The following STXBP2 variants were observed in gnomAD, a reference collection of about 807,000 sequenced individuals.
The protein encoded by STXBP2 is syntaxin binding protein 2.
Under a neutral mutation model 72.2 loss-of-function variants are expected in STXBP2, and 47 were observed. The observed-to-expected ratio is 0.65, with a 90% CI of 0.51 to 0.83. STXBP2 has a LOEUF of 0.83. Ranked by LOEUF, STXBP2 falls within the 40% of genes least tolerant of loss-of-function variation. The pLI is 0.00. For missense variants in STXBP2, 702 were observed against 807.6 expected, an observed-to-expected ratio of 0.87 and a Z score of 1.58; for synonymous variants, 367 against 338.7, an observed-to-expected ratio of 1.08 and a Z score of -0.92.
At chr19:7,641,050 A>G (rs766606701) in intron 6 of STXBP2, 47 bp downstream of exon 6, 2 of 1,588,046 alleles carry the variant, frequency 1.3e-6, no homozygotes, top group Non-Finnish European at 1.7e-6. Flanking sequence ...TTTGTGACCA[A>G]ATGTCCCCTG....
At chr19:7,644,054 G>A (rs1242075362) in intron 13 of STXBP2, among the ~76,000 whole-genome samples, 5 of 149,774 alleles carry the variant, frequency 3.3e-5, no homozygotes, top group African/African-American at 7.4e-5. Flanking sequence ...GAGCCTTGGA[G>A]AGGTGGGACC....
chr19:7,636,979 C>G (rs2031559529), upstream of STXBP2: 2 of 695,542 alleles, frequency 2.9e-6, no homozygotes, highest in Non-Finnish European at 4.0e-6. Context: ...CCCGTCCTCC[C>G]CGCCAGGGAC....
At chr19:7,644,954 G>A (rs1216620005) in intron 14 of STXBP2, 20 of 1,448,334 alleles carry the variant, frequency 1.4e-5, no homozygotes, top group Middle Eastern at 5.0e-4. Context: ...CCCTGCTAAC[G>A]TAGAAACCCT....
At chr19:7,630,948 GCT>G in the STXBP2 span, 115 of 1,416,470 alleles carry the variant, frequency 8.1e-5, no homozygotes, top group Non-Finnish European at 1.1e-4. Context: ...AGTGGCTCAT[GCT>G]TGTAATCCCA....
chr19:7,629,830 C>G, the STXBP2 span: 2 of 1,536,348 alleles, frequency 1.3e-6, no homozygotes, highest in Non-Finnish European at 1.7e-6. Flanking sequence ...CCGGGAGAAA[C>G]GAGATGGGGG....
chr19:7,646,827 A>G, intron 16 of STXBP2: 1 of 460,226 alleles, frequency 2.2e-6, no homozygotes, highest in Non-Finnish European at 3.9e-6. Flanking sequence ...GAGAGCCCAG[A>G]CACTGGGTTC....
rs933598243 is a variant in STXBP2 at position 7,639,885 on chromosome 19, T to C, written c.246+78T>C. ...ATGTGTGTGTATGTCTGCATGCATG[T>C]GATTGCATGTGTGCATGTGTATACG... On this transcript the variant is annotated intron_variant, in intron 4 of 18. Transcript: ENST00000221283. 9.3e-6 allele frequency: 13 copies of C among 1,394,946 alleles called. No homozygotes were observed. In the South Asian group the frequency reaches 1.6e-4, roughly 17 times the overall value. The allele number at this position is 1,394,946 out of a possible 1,614,324, so 86.4% of individuals were successfully genotyped here.
In STXBP2 at chr19:7,642,314, A is replaced by G. The variant is rs1369701135; in HGVS notation, c.775A>G (p.Ile259Val). Residue 259 changes from isoleucine (I) to valine (V), a missense_variant, in exon 9 of 19, where the codon ATA (isoleucine) becomes GTA (valine). Coordinates refer to ENST00000221283, the MANE Select transcript of STXBP2 (RefSeq NM_006949.4). This position sits in a 1 kb window ranked among gnomAD's most constrained non-coding sequence, Gnocchi z 6.0. ...FQAMAYDLLD[I>V]EQDTYRYETT... The stretch of plus-strand genomic sequence containing the variant: ...GGCCATGGCGTATGATCTGCTGGAC[A>G]TAGAGCAGGACACATACAGGTCTGC... 1.2e-6 allele frequency: 2 copies of G among 1,614,082 alleles called. No individual in the cohort carries two copies. The highest frequency in any genetic ancestry group is 1.7e-5 in the Admixed American group (1 of 60,024).
chr19:7,647,408 C>A lies in STXBP2; in HGVS notation c.1593C>A (p.Gly531=). The A allele has an allele frequency of 6.2e-7, 1 of 1,612,148 alleles. No individual in the cohort carries two copies. The highest frequency in any genetic ancestry group is 8.5e-7 in the Non-Finnish European group (1 of 1,178,822). Residue 531 remains glycine, a synonymous_variant, in exon 18 of 19, where the codon GGC becomes GGA. Transcript: ENST00000221283. ...KNKAGIEARA[G]PRLIVYVMGG... ...AGGCTGGCATAGAAGCCCGGGCGGG[C>A]CCCCGGCTCATCGTGTATGTCATGG...
upstream of STXBP2, chr19:7,632,696 AC>A (rs1568459041): frequency 6.5e-7 from 1 of 1,545,128 alleles, no homozygotes. This position sits in a 1 kb window ranked among gnomAD's most constrained non-coding sequence, Gnocchi z 5.2. Context: ...CATGGACAGC[AC>A]CCCCGTGCCC....
chr19:7,631,144 G>T, the STXBP2 span: 1 of 916,930 alleles, frequency 1.1e-6, no homozygotes, highest in South Asian at 1.8e-5. Context: ...GGAGGTGGAG[G>T]TTGCAGTGAG....
intron 16 of STXBP2, 34 bp downstream of exon 16, chr19:7,646,378 C>G: frequency 6.4e-7 from 1 of 1,558,928 alleles, no homozygotes; most frequent in Admixed American, 1.9e-5. Flanking sequence ...GGGGCCAGCC[C>G]TCCGCATCGG....
At chr19:7,634,540 T>C (rs1156381166), upstream of STXBP2, among the ~76,000 whole-genome samples, 1 of 152,218 alleles carries the variant, frequency 6.6e-6, no homozygotes, top group South Asian at 2.1e-4. Flanking sequence ...ACTTTTGTTA[T>C]ATATTTTTAT....
upstream of STXBP2, chr19:7,636,867 C>G (rs1395099221): frequency 2.7e-6 from 1 of 373,316 alleles, no homozygotes; most frequent in South Asian, 1.5e-4. Context: ...GATCCTGCTT[C>G]GCACGCAAGC....
At chr19:7,646,198 C>T (rs1401909025) in intron 15 of STXBP2, 51 bp from the exon 16 acceptor site, 5 of 1,517,402 alleles carry the variant, frequency 3.3e-6, no homozygotes, top group Non-Finnish European at 4.5e-6. Flanking sequence ...CCCTCTGTGA[C>T]CAGCCTCCTT....
At chr19:7,633,902 C>A (rs4804757), upstream of STXBP2, 48,239 of 165,952 alleles carry the variant, frequency 0.29, 7,732 homozygotes, top group Non-Finnish European at 0.36. Flanking sequence ...GCAGTCGGTA[C>A]AGAAAAAGGA....
chr19:7,639,289 C>T (rs945185264), intron 3 of STXBP2, 189 bp downstream of exon 3: 6 of 699,000 alleles, frequency 8.6e-6, no homozygotes, highest in African/African-American at 1.8e-5. Context: ...AAGCTGACTG[C>T]GGGAGCCCAT....
the STXBP2 span, chr19:7,631,822 G>T: frequency 7.2e-7 from 1 of 1,387,284 alleles, no homozygotes; most frequent in Middle Eastern, 2.1e-4. Context: ...TGGATGAAGA[G>T]GGGTCAGCCA....
chr19:7,645,010 G>A (rs991478117), intron 14 of STXBP2, 187 bp from the exon 15 acceptor site: 2 of 1,447,848 alleles, frequency 1.4e-6, no homozygotes, highest in Middle Eastern at 2.5e-4. Flanking sequence ...AGCTCATCTG[G>A]AGGAGCCCCT....
Sources: gnomAD v4.1 joint callset for allele counts (sites outside exome capture counted in the v4.1 genomes callset) on GRCh38, gnomAD v4.1.1 for gene constraint, Gnocchi (gnomAD v3.1) non-coding constraint, MANE v1.5 for transcripts, NCBI Gene and HGNC (gene_info 2026-07-23, HGNC 2026-07-21) for gene names.